The following PTPRT variants were observed in gnomAD, a reference collection of about 807,000 sequenced individuals.
The protein encoded by PTPRT is protein tyrosine phosphatase receptor type T, also known as receptor-type tyrosine-protein phosphatase T.
A neutral mutation model predicts 176.8 loss-of-function variants in PTPRT; 56 were observed. The observed-to-expected ratio is 0.32, with a 90% CI of 0.26 to 0.40. PTPRT has a LOEUF of 0.40. Among genes scored for constraint, PTPRT ranks in the 10% least tolerant of loss-of-function variants. PTPRT has a pLI of 1.00. For missense variants in PTPRT, 1,540 were observed against 1,908.2 expected (o/e 0.81, Z 3.60); for synonymous variants, 783 against 739.0 (o/e 1.06, Z -0.96).
chr20:43,138,719 T>C (rs375735755), intron 1 of PTPRT, among the ~76,000 whole-genome samples: 18 of 152,126 alleles, frequency 1.2e-4, no homozygotes, highest in East Asian at 7.7e-4. Flanking sequence ...AAGTGGAGCC[T>C]CCCTCTTACC....
At chr20:42,069,940 T>A (rs1376916435), downstream of PTPRT, among the ~76,000 whole-genome samples, 1 of 152,198 alleles carries the variant, frequency 6.6e-6, no homozygotes, top group African/African-American at 2.4e-5. Flanking sequence ...ATGTCTCTAC[T>A]GAATGTCAAT....
intron 7 of PTPRT, among the ~76,000 whole-genome samples, chr20:42,493,775 T>C (rs1043190234): frequency 2.0e-5 from 3 of 152,152 alleles, no homozygotes; most frequent in Admixed American, 2.0e-4. Flanking sequence ...AGAAGTCTTC[T>C]GTCTTTCTTA....
intron 9 of PTPRT, among the ~76,000 whole-genome samples, chr20:42,436,790 G>A (rs1233101699): frequency 6.6e-6 from 1 of 152,176 alleles, no homozygotes; most frequent in African/African-American, 2.4e-5. Context: ...TTTATGAAAG[G>A]ATCATGAGTG....
intron 1 of PTPRT, among the ~76,000 whole-genome samples, chr20:43,144,264 C>T (rs935911050): frequency 3.3e-5 from 5 of 152,224 alleles, no homozygotes; most frequent in African/African-American, 1.2e-4. Context: ...TGCATGCAAA[C>T]CTGAGCTCGT....
chr20:42,941,529 C>T (rs541743733), intron 1 of PTPRT, among the ~76,000 whole-genome samples: 1 of 152,174 alleles, frequency 6.6e-6, no homozygotes, highest in Non-Finnish European at 1.5e-5. Flanking sequence ...TCCTGTTCAC[C>T]GTTTCATTCA....
At chr20:42,395,990 G>T (rs78383928) in intron 9 of PTPRT, among the ~76,000 whole-genome samples, 10,356 of 152,072 alleles carry the variant, frequency 0.068, 438 homozygotes, top group African/African-American at 0.12. Context: ...TCGTGCATAG[G>T]CTGACTCCCC....
intron 1 of PTPRT, among the ~76,000 whole-genome samples, chr20:42,940,708 C>T (rs1367937607): frequency 6.6e-6 from 1 of 152,110 alleles, no homozygotes; most frequent in Non-Finnish European, 1.5e-5. Context: ...GTCCAGAGAG[C>T]CACAGTATGC....
intron 2 of PTPRT, among the ~76,000 whole-genome samples, chr20:42,864,235 C>G (rs1442735536): frequency 6.6e-6 from 1 of 152,188 alleles, no homozygotes; most frequent in Non-Finnish European, 1.5e-5. Flanking sequence ...CCAGCAGCCA[C>G]TCAATATAAG....
chr20:43,060,906 T>G (rs1172016138), intron 1 of PTPRT, among the ~76,000 whole-genome samples: 2 of 152,230 alleles, frequency 1.3e-5, no homozygotes, highest in Non-Finnish European at 2.9e-5. Context: ...ATTATAGGTG[T>G]TACAGGAGTG....
chr20:42,116,860 G>A (rs996932273), intron 21 of PTPRT, among the ~76,000 whole-genome samples: 2 of 152,152 alleles, frequency 1.3e-5, no homozygotes, highest in Admixed American at 1.3e-4. Context: ...TAGATTTATG[G>A]TCTATCCATC....
At chr20:42,849,743 G>T (rs1191651871) in intron 2 of PTPRT, among the ~76,000 whole-genome samples, 1 of 152,054 alleles carries the variant, frequency 6.6e-6, no homozygotes, top group East Asian at 1.9e-4. Flanking sequence ...ATCACTCTAG[G>T]GATTACATGA....
chr20:42,144,354 A>G (rs1174862916), intron 17 of PTPRT, among the ~76,000 whole-genome samples: 2 of 152,172 alleles, frequency 1.3e-5, no homozygotes, highest in Non-Finnish European at 2.9e-5. Context: ...AACATGTTCA[A>G]AATAACAAAA....
intron 1 of PTPRT, among the ~76,000 whole-genome samples, chr20:43,184,168 G>A (rs373618736): frequency 2.0e-4 from 31 of 152,320 alleles, no homozygotes; most frequent in African/African-American, 7.5e-4. Flanking sequence ...GTGAGACTTT[G>A]CATCTCTTCC....
chr20:42,976,988 A>C (rs1982992712), intron 1 of PTPRT, among the ~76,000 whole-genome samples: 1 of 152,190 alleles, frequency 6.6e-6, no homozygotes, highest in Non-Finnish European at 1.5e-5. Flanking sequence ...ACATAATCTG[A>C]ATATCCCATT....
intron 21 of PTPRT, chr20:42,115,894 T>C: frequency 1.7e-6 from 1 of 603,160 alleles, no homozygotes; most frequent in South Asian, 2.0e-5. Context: ...AAAAGGATGG[T>C]AGCTGCTGGA....
At chr20:42,916,562 C>A (rs1978772683) in intron 1 of PTPRT, among the ~76,000 whole-genome samples, 1 of 152,212 alleles carries the variant, frequency 6.6e-6, no homozygotes, top group Non-Finnish European at 1.5e-5. Flanking sequence ...AATGGTTAAA[C>A]TAGTTTACAG....
chr20:42,736,138 C>T (rs2076536230), intron 6 of PTPRT, among the ~76,000 whole-genome samples: 1 of 152,124 alleles, frequency 6.6e-6, no homozygotes, highest in South Asian at 2.1e-4. Flanking sequence ...AGCAGAGGTT[C>T]CTGCTGTTGA....
rs923718738 is a variant in PTPRT at position 43,052,987 on chromosome 20, A to G, written c.88+136659T>C. 2.0e-5 allele frequency among the ~76,000 whole-genome samples: 3 copies of G among 152,306 alleles called. No homozygotes were observed. In the East Asian group the frequency reaches 5.8e-4, roughly 29 times the overall value. On this transcript the variant is annotated intron_variant, in intron 1 of 30. Coordinates refer to ENST00000373187, the MANE Select transcript of PTPRT (RefSeq NM_007050.6). ...ACAAAACACTGTACCTGAAACGTTCATAGCAGCACTGTTCACAATAGGCAA... is the reference window on the plus strand; with the variant it reads ...ACAAAACACTGTACCTGAAACGTTCGTAGCAGCACTGTTCACAATAGGCAA...
intron 8 of PTPRT, among the ~76,000 whole-genome samples, chr20:42,461,857 G>A (rs1162533885): frequency 6.6e-6 from 1 of 151,902 alleles, no homozygotes; most frequent in African/African-American, 2.4e-5. Context: ...AGAAGATAGA[G>A]CTGGGTGTTT....
Sources: allele counts gnomAD v4.1 joint callset (sites outside exome capture counted in the v4.1 genomes callset), GRCh38; gene constraint gnomAD v4.1.1; transcripts MANE v1.5; gene names NCBI Gene and HGNC (gene_info 2026-07-23, HGNC 2026-07-21).